Variants in GRIA2 observed in about 807,000 individuals in gnomAD.
GRIA2 encodes the protein glutamate ionotropic receptor AMPA type subunit 2, also known as glutamate receptor 2.
Under a neutral mutation model 97.3 loss-of-function variants are expected in GRIA2, and 14 were observed. That is an observed-to-expected ratio of 0.14 (90% CI 0.10 to 0.23). GRIA2 has a LOEUF of 0.23. Ranked by LOEUF, GRIA2 falls within the 10% of genes least tolerant of loss-of-function variation. The probability of loss-of-function intolerance (pLI) is 1.00; values close to 1 mark genes in which losing one functional copy is unlikely to be tolerated. For missense variants in GRIA2, 558 were observed against 1,069.8 expected (o/e 0.52, Z 6.67); for synonymous variants, 412 against 387.8 (o/e 1.06, Z -0.73).
intron 2 of GRIA2, among the ~76,000 whole-genome samples, chr4:157,233,173 G>A (rs897987510): frequency 2.6e-5 from 4 of 152,122 alleles, no homozygotes; most frequent in Admixed American, 2.6e-4. Context: ...GCCTTTCGGT[G>A]ACAAAGAAGA....
intron 2 of GRIA2, among the ~76,000 whole-genome samples, chr4:157,265,966 T>C (rs1731749964): frequency 6.6e-6 from 1 of 152,078 alleles, no homozygotes; most frequent in Non-Finnish European, 1.5e-5. Flanking sequence ...AGGGAAGTCA[T>C]ATGTGAATAT....
chr4:157,284,712 T>A (rs1362895417), intron 2 of GRIA2, among the ~76,000 whole-genome samples: 1 of 151,740 alleles, frequency 6.6e-6, no homozygotes, highest in African/African-American at 2.4e-5. Flanking sequence ...GCAAGCAGAT[T>A]GACTATCTTC....
intron 12 of GRIA2, among the ~76,000 whole-genome samples, chr4:157,346,254 G>T (rs776974142): frequency 6.6e-6 from 1 of 152,032 alleles, no homozygotes; most frequent in Non-Finnish European, 1.5e-5. Context: ...CCTCTTCTAT[G>T]GAACTGTATT....
intron 2 of GRIA2, among the ~76,000 whole-genome samples, chr4:157,256,245 T>TAA (rs1491037190): frequency 1.7e-4 from 14 of 82,168 alleles, no homozygotes; most frequent in African/African-American, 5.4e-4. Flanking sequence ...TATATATATA[T>TAA]AATATATAAA....
chr4:157,303,724 A>C lies in GRIA2; in HGVS notation c.402A>C (p.Gly134=). 6.2e-7 allele frequency: 1 copy of C among 1,613,834 alleles called. No individual in the cohort carries two copies. The highest frequency in any genetic ancestry group is 1.1e-5 in the South Asian group (1 of 91,072). ...FVIQMRPDLK[G]ALLSLIEYYQ... is the part of the protein sequence containing the mutation. ...TTCAGATGAGACCCGACCTCAAAGGAGCTCTCCTTAGCTTGATTGAATACT... is the reference window on the plus strand; with the variant it reads ...TTCAGATGAGACCCGACCTCAAAGGCGCTCTCCTTAGCTTGATTGAATACT... Residue 134 remains glycine (G), a synonymous_variant, in exon 3 of 16, where the codon GGA becomes GGC. Transcript: ENST00000264426.
rs534174260 is a variant in GRIA2, at chr4:157,316,506, G to A, written c.667-1152G>A. Among the ~76,000 whole-genome samples, 4 of 152,130 alleles carry A rather than the reference G, an allele frequency of 2.6e-5. No homozygotes were observed. The East Asian group carries it at 5.8e-4, about 22-fold the overall frequency. On this transcript the variant is annotated intron_variant, in intron 4 of 15. Transcript: ENST00000264426. ...GAAAGTCAGGGTAGTTTTCTCCCAG[G>A]GGGTGTAAGAATGTTCAAGAGTTAA...
intron 11 of GRIA2, among the ~76,000 whole-genome samples, chr4:157,339,101 C>A (rs1353012494): frequency 6.6e-6 from 1 of 151,826 alleles, no homozygotes; most frequent in African/African-American, 2.4e-5. Context: ...TTTAGAATAT[C>A]TTATCTATAA....
intron 6 of GRIA2, among the ~76,000 whole-genome samples, chr4:157,323,118 G>A (rs1327735138): frequency 1.3e-5 from 2 of 151,896 alleles, no homozygotes; most frequent in South Asian, 2.1e-4. Context: ...GGCGGATCAC[G>A]TGGTCAGGAG....
At position 157,335,264 on chromosome 4, in the gene GRIA2, T is replaced by C. The variant is rs557821078; in HGVS notation, c.1267-407T>C. On this transcript the variant is annotated intron_variant, in intron 9 of 15. Transcript: ENST00000264426. The stretch of plus-strand genomic sequence containing the variant: ...TCTTTGGGACAGCAGTGACACAGGG[T>C]TTTGGGTGAATGCTGGTTTTGGGAT... 6.8e-5 allele frequency: 14 copies of C among 206,396 alleles called. No individual in the cohort carries two copies. In the South Asian group the frequency reaches 1.1e-3, roughly 16 times the overall value. 12.8% of individuals were successfully genotyped at this position (206,396 alleles called of 1,614,324 possible). A position where few individuals can be genotyped will look rare whatever the true frequency, so the allele number is the denominator to read the frequency against.
At chr4:157,221,462 AC>A (rs1380663610) in intron 1 of GRIA2, 9 of 590,968 alleles carry the variant, frequency 1.5e-5, no homozygotes, top group African/African-American at 5.6e-5. Flanking sequence ...CTGGCCGCCT[AC>A]CTCGCCTTCA....
In GRIA2 at chr4:157,364,773, C is replaced by T. The variant is rs1346932584; in HGVS notation, c.*1342C>T. The T allele has an allele frequency of 6.6e-6, 1 of 151,924 alleles. No homozygotes were observed. Among genetic ancestry groups the T allele is most frequent in the African/African-American group, 2.4e-5 (1 of 41,360 alleles). 9.4% of individuals were successfully genotyped at this position (151,924 alleles called of 1,614,324 possible). On this transcript the variant is annotated 3_prime_UTR_variant, in exon 16 of 16. Transcript: ENST00000264426. ...GAATTTTAAAATATGTTTGAGTCTC[C>T]TGCAATATAGTTTCATCCCATTGAC...
At position 157,345,156 on chromosome 4, in the gene GRIA2, G is replaced by A. The variant is rs565303555; in HGVS notation, c.2043+3694G>A. 2.0e-5 allele frequency among the ~76,000 whole-genome samples: 3 copies of A among 151,926 alleles called. No individual in the cohort carries two copies. In the East Asian group the frequency reaches 5.8e-4, roughly 29 times the overall value. ...AAAGTCAGTGAGTATGTAATTGTTG[G>A]AGAAGTTCAATTTAAGCTGCAGATT... On this transcript the variant is annotated intron_variant, in intron 12 of 15. Transcript: ENST00000264426.
intron 2 of GRIA2, among the ~76,000 whole-genome samples, chr4:157,285,361 T>G (rs1045431695): frequency 2.0e-5 from 3 of 151,452 alleles, no homozygotes; most frequent in East Asian, 1.9e-4. Context: ...TGATTTGCCT[T>G]TATATTTTCT....
chr4:157,355,951 T>TTATATATATA (rs1553958593), intron 12 of GRIA2, among the ~76,000 whole-genome samples: 2 of 68,104 alleles, frequency 2.9e-5, no homozygotes, highest in Non-Finnish European at 4.8e-5. Context: ...TAATATATAT[T>TTATATATATA]TATATATTTA....
Position 157,334,097 on chromosome 4 carries a change from A to T in GRIA2, c.1243A>T (p.Thr415Ser). ...GNDTSGLENK[T>S]VVVTTILESP... is the part of the protein sequence containing the mutation. ...TGACACCTCTGGGCTTGAGAATAAGACTGTTGTTGTCACCACAATTTTGGT... is the reference window on the plus strand; with the variant it reads ...TGACACCTCTGGGCTTGAGAATAAGTCTGTTGTTGTCACCACAATTTTGGT... The change falls in exon 9 of 16, where the codon ACT (threonine) becomes TCT (serine). Residue 415 changes from threonine (T) to serine (S), a missense_variant. Coordinates refer to ENST00000264426, the MANE Select transcript of GRIA2 (RefSeq NM_001083619.3). The T allele has an allele frequency of 6.2e-7, 1 of 1,600,166 alleles. No individual in the cohort carries two copies. Among genetic ancestry groups the T allele is most frequent in the Non-Finnish European group, 8.6e-7 (1 of 1,167,848 alleles).
chr4:157,329,968 A>G (rs1283448676), intron 6 of GRIA2, among the ~76,000 whole-genome samples: 1 of 151,958 alleles, frequency 6.6e-6, no homozygotes, highest in Non-Finnish European at 1.5e-5. Flanking sequence ...GAAGCTGGGT[A>G]AAATGAAAGT....
At chr4:157,259,463 C>G (rs72962834) in intron 2 of GRIA2, among the ~76,000 whole-genome samples, 34 of 152,210 alleles carry the variant, frequency 2.2e-4, no homozygotes, top group African/African-American at 8.2e-4. Context: ...CCAGGCAATT[C>G]AAGCTCCCTT....
At chr4:157,294,027 C>A (rs1733225862) in intron 2 of GRIA2, among the ~76,000 whole-genome samples, 1 of 152,010 alleles carries the variant, frequency 6.6e-6, no homozygotes, top group African/African-American at 2.4e-5. Flanking sequence ...TGTGGGTTAA[C>A]ACATAAGTAC....
chr4:157,352,330 C>T (rs1736044571), intron 12 of GRIA2, among the ~76,000 whole-genome samples: 1 of 152,014 alleles, frequency 6.6e-6, no homozygotes, highest in Non-Finnish European at 1.5e-5. Flanking sequence ...CTTTTTGAAT[C>T]TTGATTCTAT....
Sources: allele counts gnomAD v4.1 joint callset (sites outside exome capture counted in the v4.1 genomes callset), GRCh38; gene constraint gnomAD v4.1.1; transcripts MANE v1.5; gene names NCBI Gene and HGNC (gene_info 2026-07-23, HGNC 2026-07-21).